The following KIRREL1 variants were observed in gnomAD, a reference collection of about 807,000 sequenced individuals.
KIRREL1 encodes kin of IRRE-like protein 1.
KIRREL1 carries 25 observed loss-of-function variants against 83.3 expected under a neutral mutation model. That is an observed-to-expected ratio of 0.30 (90% CI 0.22 to 0.42). The LOEUF is 0.42. Ranked by LOEUF, KIRREL1 falls within the 10% of genes least tolerant of loss-of-function variation. The pLI, the probability that KIRREL1 is intolerant of heterozygous loss-of-function variation, is 1.00. For missense variants in KIRREL1, 812 were observed against 1,032.3 expected (o/e 0.79, Z 2.92); for synonymous variants, 388 against 410.4 (o/e 0.95, Z 0.66).
chr1:158,070,437 A>G (rs891571525), intron 1 of KIRREL1, among the ~76,000 whole-genome samples: 2 of 152,218 alleles, frequency 1.3e-5, no homozygotes, highest in African/African-American at 2.4e-5. Context: ...TGCCTGGCAC[A>G]TAGTTGGCAT....
intron 1 of KIRREL1, among the ~76,000 whole-genome samples, chr1:158,009,447 TAA>T (rs1203621744): frequency 6.6e-6 from 1 of 152,230 alleles, no homozygotes; most frequent in East Asian, 1.9e-4. Flanking sequence ...GATAGGTGCT[TAA>T]CAAATGGTGG....
chr1:157,997,183 C>G (rs377665121), intron 1 of KIRREL1, among the ~76,000 whole-genome samples: 68 of 152,336 alleles, frequency 4.5e-4, no homozygotes, highest in Middle Eastern at 3.4e-3. Context: ...ATCACAGACT[C>G]GCATCCAGCT....
chr1:157,994,573 G>T (rs1331522229), intron 1 of KIRREL1, among the ~76,000 whole-genome samples: 1 of 152,004 alleles, frequency 6.6e-6, no homozygotes, highest in African/African-American at 2.4e-5. Flanking sequence ...GGGGTTGGGG[G>T]AGGGAAGAGG....
chr1:158,007,626 T>TG (rs1361320949), intron 1 of KIRREL1, among the ~76,000 whole-genome samples: 1 of 151,890 alleles, frequency 6.6e-6, no homozygotes, highest in Non-Finnish European at 1.5e-5. Flanking sequence ...CTCGTGTGTC[T>TG]GGGGGGAGAG....
At chr1:158,026,929 C>T (rs1660189284) in intron 1 of KIRREL1, among the ~76,000 whole-genome samples, 1 of 152,164 alleles carries the variant, frequency 6.6e-6, no homozygotes, top group African/African-American at 2.4e-5. Flanking sequence ...GGGGTTTTCC[C>T]TGCACTTCCA....
intron 1 of KIRREL1, among the ~76,000 whole-genome samples, chr1:158,036,951 G>A (rs1272994878): frequency 6.6e-6 from 1 of 152,180 alleles, no homozygotes; most frequent in Non-Finnish European, 1.5e-5. Flanking sequence ...CAGGTCTGGA[G>A]TGAACCACCC....
chr1:158,094,669 T>C lies in KIRREL1; in HGVS notation c.1823T>C (p.Val608Ala). The C allele has an allele frequency of 6.2e-7, 1 of 1,606,526 alleles. No individual in the cohort carries two copies. The highest frequency in any genetic ancestry group is 8.5e-7 in the Non-Finnish European group (1 of 1,178,636). The part of the protein sequence containing the change: ...MKDPTNGYYN[V>A]RAHEDRPSSR... ...GACCCCACCAATGGCTACTACAACG[T>C]GCGTGCCCATGAAGACCGCCCGTCT... The change falls in exon 15 of 15, where the codon GTG becomes GCG. Residue 608 changes from valine to alanine, a missense_variant. This residue lies in a region of KIRREL1 where 334 missense variants were observed against 383.7 expected (regional missense o/e 0.87). Transcript: ENST00000359209. This position sits in a 1 kb window ranked among gnomAD's most constrained non-coding sequence, Gnocchi z 4.6.
chr1:158,070,945 C>T (rs1015113485), intron 1 of KIRREL1, among the ~76,000 whole-genome samples: 1 of 152,168 alleles, frequency 6.6e-6, no homozygotes, highest in Non-Finnish European at 1.5e-5. Flanking sequence ...TGCCTGCAAA[C>T]CCTGGCTGGG....
chr1:158,068,565 T>C (rs1661418063), intron 1 of KIRREL1, among the ~76,000 whole-genome samples: 1 of 152,226 alleles, frequency 6.6e-6, no homozygotes, highest in African/African-American at 2.4e-5. Flanking sequence ...GCCAGGTTTC[T>C]TTCTCTGGAT....
intron 1 of KIRREL1, among the ~76,000 whole-genome samples, chr1:158,045,946 CTTCCT>C (rs1660768128): frequency 1.3e-5 from 2 of 152,332 alleles, no homozygotes; most frequent in African/African-American, 4.8e-5. Flanking sequence ...CAGAAAAATT[CTTCCT>C]TATTGGACCA....
intron 1 of KIRREL1, among the ~76,000 whole-genome samples, chr1:158,075,173 G>A (rs575625454): frequency 9.8e-5 from 15 of 152,336 alleles, no homozygotes; most frequent in Admixed American, 4.6e-4. Flanking sequence ...TGGAGCCAGT[G>A]GGTGGGAGTG....
intron 1 of KIRREL1, among the ~76,000 whole-genome samples, chr1:158,006,337 A>T (rs1659519194): frequency 6.6e-6 from 1 of 152,170 alleles, no homozygotes; most frequent in South Asian, 2.1e-4. Flanking sequence ...GTCTAGCCTG[A>T]ACCTTCCCTG....
At chr1:158,056,304 T>A (rs1661055421) in intron 1 of KIRREL1, among the ~76,000 whole-genome samples, 2 of 152,184 alleles carry the variant, frequency 1.3e-5, no homozygotes, top group African/African-American at 4.8e-5. Flanking sequence ...TGATGACAGA[T>A]CTTCTGCCCT....
intron 3 of KIRREL1, 106 bp from the exon 4 acceptor site, chr1:158,084,316 A>T: frequency 8.9e-7 from 1 of 1,124,524 alleles, no homozygotes; most frequent in Non-Finnish European, 1.3e-6. Flanking sequence ...CCGCCTACCT[A>T]GAGGCGCACA....
Position 158,095,337 on chromosome 1 carries a change from C to G in KIRREL1, c.*217C>G, listed in dbSNP as rs1281948129. 2 of 530,464 alleles carry G rather than the reference C, an allele frequency of 3.8e-6. No homozygotes were observed. Among genetic ancestry groups the G allele is most frequent in the South Asian group, 2.8e-5 (1 of 35,678 alleles). 32.9% of individuals were successfully genotyped at this position (530,464 alleles called of 1,614,324 possible). ...CCTGGGCCTGCCCTTCCCTCTTCTT[C>G]GGGAGGATGTGTCTCTTCTGACCTG... On this transcript the variant is annotated 3_prime_UTR_variant, in exon 15 of 15. Coordinates refer to ENST00000359209, the MANE Select transcript of KIRREL1 (RefSeq NM_018240.7).
chr1:158,044,690 G>A (rs1293289730), intron 1 of KIRREL1, among the ~76,000 whole-genome samples: 1 of 152,060 alleles, frequency 6.6e-6, no homozygotes, highest in Non-Finnish European at 1.5e-5. Flanking sequence ...GTAGAGATGG[G>A]GTTTAGCCAT....
At chr1:158,019,730 C>T (rs1428884899) in intron 1 of KIRREL1, among the ~76,000 whole-genome samples, 5 of 152,082 alleles carry the variant, frequency 3.3e-5, no homozygotes, top group Admixed American at 1.3e-4. Flanking sequence ...TGAGCTTAAC[C>T]GCAGAGCAAG....
At chr1:158,090,520 G>A (rs76630959) in intron 10 of KIRREL1, among the ~76,000 whole-genome samples, 6 of 152,312 alleles carry the variant, frequency 3.9e-5, no homozygotes, top group South Asian at 2.1e-4. Context: ...GGCAGCAGGC[G>A]GCTGGCCTCC....
intron 1 of KIRREL1, among the ~76,000 whole-genome samples, chr1:158,018,596 G>A (rs1011314484): frequency 6.6e-6 from 1 of 152,156 alleles, no homozygotes; most frequent in Non-Finnish European, 1.5e-5. Flanking sequence ...ATTGGAGGAA[G>A]GGCGAAAGCA....
Sources: allele counts gnomAD v4.1 joint callset (sites outside exome capture counted in the v4.1 genomes callset), GRCh38; gene constraint gnomAD v4.1.1; regional missense constraint gnomAD v4.1.1; non-coding constraint Gnocchi (gnomAD v3.1); transcripts MANE v1.5; gene names NCBI Gene and HGNC (gene_info 2026-07-23, HGNC 2026-07-21).